Variants in WDR31 observed in about 807,000 individuals in gnomAD.
WDR31 encodes the protein WD repeat domain 31.
Under a neutral mutation model 47.3 loss-of-function variants are expected in WDR31, and 30 were observed. The observed-to-expected ratio is 0.63, with a 90% confidence interval of 0.47 to 0.86. The LOEUF (loss-of-function observed/expected upper bound fraction) is 0.86, where lower values mean the gene tolerates loss of function less well. WDR31 is among the 40% of genes least tolerant of loss of function. The pLI is 0.00. For missense variants in WDR31, 406 were observed against 442.9 expected, an observed-to-expected ratio of 0.92 and a Z score of 0.75; for synonymous variants, 137 against 159.4, an observed-to-expected ratio of 0.86 and a Z score of 1.06.
rs908274071 is a variant in WDR31, at chr9:113,313,513, G to A, written c.*3236C>T. 40 of 152,220 alleles carry A rather than the reference G, an allele frequency of 2.6e-4. No homozygotes were observed. Among genetic ancestry groups the A allele is most frequent in the African/African-American group, 9.7e-4 (40 of 41,450 alleles). The allele number at this position is 152,220 out of a possible 1,614,324, so 9.4% of individuals were successfully genotyped here. A position where few individuals can be genotyped will look rare whatever the true frequency, so the allele number is the denominator to read the frequency against. ...CCTTGGAGCCAGAAAGTTAATAACT[G>A]GTCTTGAAGATACAAACAATGTCAT... is the stretch of plus-strand genomic sequence containing the variant. On this transcript the variant is annotated 3_prime_UTR_variant, in exon 11 of 11. Transcript: ENST00000374193.
In WDR31 at chr9:113,316,038, G is replaced by C. The variant is rs1018093584; in HGVS notation, c.*711C>G. 6.6e-6 allele frequency: 1 copy of C among 152,098 alleles called. No individual in the cohort carries two copies. The highest frequency in any genetic ancestry group is 1.5e-5 in the Non-Finnish European group (1 of 68,026). The allele number at this position is 152,098 out of a possible 1,614,324, so 9.4% of individuals were successfully genotyped here. On this transcript the variant is annotated 3_prime_UTR_variant, in exon 11 of 11. Coordinates refer to ENST00000374193, the MANE Select transcript of WDR31 (RefSeq NM_001012361.4). The stretch of plus-strand genomic sequence containing the variant: ...CAATGTTTTCTTATCTGTAGAGCTG[G>C]TGTGCTAACTCCTGTAATTCTGGGC...
chr9:113,321,497 C>T lies in WDR31; in HGVS notation c.638+14G>A, dbSNP rs1833326794. ...CTCACAAGAAACACTTTCACAGCTG[C>T]TCAGTAAGCCCACCTGAGGGTTTTA... On this transcript the variant is annotated intron_variant, in intron 8 of 10. Coordinates refer to ENST00000374193, the MANE Select transcript of WDR31 (RefSeq NM_001012361.4). 6.2e-7 allele frequency: 1 copy of T among 1,613,660 alleles called. No homozygotes were observed. Among genetic ancestry groups the T allele is most frequent in the African/African-American group, 1.3e-5 (1 of 74,902 alleles).
chr9:113,316,569 C>A lies in WDR31; in HGVS notation c.*180G>T. On this transcript the variant is annotated 3_prime_UTR_variant, in exon 11 of 11. Transcript: ENST00000374193. ...GTAGTCCATGTTTCTGGACTCTATA[C>A]CTGATTTTGAATCACTGGACTTAAA... The A allele has an allele frequency of 2.8e-6, 2 of 702,074 alleles. No individual in the cohort carries two copies. Among genetic ancestry groups the A allele is most frequent in the East Asian group, 2.7e-5 (1 of 36,926 alleles). The allele number at this position is 702,074 out of a possible 1,614,324, so 43.5% of individuals were successfully genotyped here. A position where few individuals can be genotyped will look rare whatever the true frequency, so the allele number is the denominator to read the frequency against.
At chr9:113,328,408 G>T (rs1356979990) in intron 5 of WDR31, among the ~76,000 whole-genome samples, 1 of 152,154 alleles carries the variant, frequency 6.6e-6, no homozygotes. Flanking sequence ...ATATAAATTG[G>T]CATTCTCTAT....
At chr9:113,334,150 T>C (rs1187774611) in intron 2 of WDR31, among the ~76,000 whole-genome samples, 1 of 152,056 alleles carries the variant, frequency 6.6e-6, no homozygotes. Context: ...ACTACAGGCT[T>C]GCACCATCAT....
At chr9:113,331,661 G>T (rs2118841597) in intron 3 of WDR31, among the ~76,000 whole-genome samples, 1 of 152,264 alleles carries the variant, frequency 6.6e-6, no homozygotes, top group South Asian at 2.1e-4. Flanking sequence ...TGCCAAGGCT[G>T]GTCTCAAACT....
chr9:113,332,816 T>G (rs1833628000), intron 2 of WDR31, among the ~76,000 whole-genome samples: 1 of 152,170 alleles, frequency 6.6e-6, no homozygotes, highest in African/African-American at 2.4e-5. Context: ...TGTGACCAGA[T>G]CCCTCATGAA....
At chr9:113,334,703 CTTTTTTTTTT>C (rs71367719) in intron 2 of WDR31, among the ~76,000 whole-genome samples, 1 of 63,012 alleles carries the variant, frequency 1.6e-5, no homozygotes, top group Non-Finnish European at 2.7e-5. Flanking sequence ...CTACATCAGG[CTTTTTTTTTT>C]TTTTTTTTTT....
Position 113,323,262 on chromosome 9 carries a change from CTTCTT to C in WDR31, c.325-112_325-108del, listed in dbSNP as rs776441903. 1.2e-4 allele frequency: 166 copies of C among 1,374,694 alleles called. No homozygotes were observed. In the South Asian group the frequency reaches 2.1e-3, roughly 18 times the overall value. 85.2% of individuals were successfully genotyped at this position (1,374,694 alleles called of 1,614,324 possible). A position where few individuals can be genotyped will look rare whatever the true frequency, so the allele number is the denominator to read the frequency against. On this transcript the variant is annotated intron_variant, in intron 5 of 10. Transcript: ENST00000374193. The stretch of plus-strand genomic sequence containing the variant: ...CTGCATAACTCCCTCCCCACACACA[CTTCTT>C]TTCTTTTTTTTTGAGACGGAGTCTC...
intron 5 of WDR31, 67 bp from the exon 6 acceptor site, chr9:113,323,222 G>T: frequency 1.3e-6 from 2 of 1,548,656 alleles, no homozygotes; most frequent in Non-Finnish European, 1.7e-6. Context: ...ACTTTAAATT[G>T]GGGGAAAGAT....
chr9:113,317,861 A>T (rs1833241665), intron 10 of WDR31, among the ~76,000 whole-genome samples: 1 of 152,210 alleles, frequency 6.6e-6, no homozygotes, highest in Non-Finnish European at 1.5e-5. Flanking sequence ...GTTAATTTTC[A>T]TCATGTAAAT....
At chr9:113,336,601 C>A (rs994310409) in intron 1 of WDR31, among the ~76,000 whole-genome samples, 161 bp from the exon 2 acceptor site, 12 of 152,148 alleles carry the variant, frequency 7.9e-5, no homozygotes, top group Non-Finnish European at 1.6e-4. Context: ...AATTATATAT[C>A]TATTTTTAAA....
Position 113,328,947 on chromosome 9 carries a change from CACA to C in WDR31, c.255_257del (p.Val86del). Reference sequence around the variant, plus strand: ...CATTTCCAGTTTTCCAATTATAGGCCACAACTGTCTGAAGAGAGTGAAGATTGT... The same window carrying C: ...CATTTCCAGTTTTCCAATTATAGGCCACTGTCTGAAGAGAGTGAAGATTGT... On this transcript the variant is annotated inframe_deletion, in exon 5 of 11. Transcript: ENST00000374193. 6.2e-7 allele frequency: 1 copy of C among 1,613,738 alleles called. No individual in the cohort carries two copies. The highest frequency in any genetic ancestry group is 1.6e-4 in the Middle Eastern group (1 of 6,062).
chr9:113,333,683 ATT>A (rs554084096), intron 2 of WDR31, among the ~76,000 whole-genome samples: 2 of 145,448 alleles, frequency 1.4e-5, no homozygotes, highest in Non-Finnish European at 1.5e-5. Context: ...GCCCGGCCGG[ATT>A]TTTTTTTTTT....
chr9:113,329,164 G>C (rs552543325), intron 4 of WDR31, among the ~76,000 whole-genome samples: 2 of 152,200 alleles, frequency 1.3e-5, no homozygotes, highest in East Asian at 3.9e-4. Flanking sequence ...GTTGTTCTCT[G>C]TCTCCCTCCG....
At chr9:113,324,828 A>ATG (rs57088850) in intron 5 of WDR31, among the ~76,000 whole-genome samples, 19,988 of 137,650 alleles carry the variant, frequency 0.15, 1,504 homozygotes, top group Middle Eastern at 0.22. Context: ...ATATATATAT[A>ATG]TGTGTGTGTG....
chr9:113,325,587 A>C (rs995229654), intron 5 of WDR31, among the ~76,000 whole-genome samples: 1 of 151,910 alleles, frequency 6.6e-6, no homozygotes, highest in African/African-American at 2.4e-5. Context: ...TAATTTCAGA[A>C]AGAAAACAGA....
intron 5 of WDR31, among the ~76,000 whole-genome samples, chr9:113,324,996 A>C (rs1431687457): frequency 6.6e-6 from 1 of 152,008 alleles, no homozygotes; most frequent in African/African-American, 2.4e-5. Flanking sequence ...CCCAGGCTGG[A>C]GTGCAATGGT....
intron 1 of WDR31, among the ~76,000 whole-genome samples, chr9:113,339,778 T>TCA (rs970214216): frequency 1.3e-5 from 2 of 152,250 alleles, no homozygotes; most frequent in African/African-American, 4.8e-5. Flanking sequence ...TCTCGCTCTG[T>TCA]CACCCAGGCT....
Sources: gnomAD v4.1 joint callset for allele counts (sites outside exome capture counted in the v4.1 genomes callset) on GRCh38, gnomAD v4.1.1 for gene constraint, MANE v1.5 for transcripts, NCBI Gene and HGNC (gene_info 2026-07-23, HGNC 2026-07-21) for gene names.